Variants in CACNA1A observed in about 807,000 individuals in gnomAD.
CACNA1A encodes voltage-dependent P/Q-type calcium channel subunit alpha-1A.
A neutral mutation model predicts 262.4 loss-of-function variants in CACNA1A; 57 were observed. That is an observed-to-expected ratio of 0.22 (90% CI 0.18 to 0.27). The LOEUF (loss-of-function observed/expected upper bound fraction) is 0.27, where lower values mean the gene tolerates loss of function less well. Ranked by LOEUF, CACNA1A falls within the 10% of genes least tolerant of loss-of-function variation. The pLI is 1.00. For missense variants in CACNA1A, 2,526 were observed against 3,562.8 expected (o/e 0.71, Z 7.41); for synonymous variants, 1,431 against 1,419.3 (o/e 1.01, Z -0.18).
At chr19:13,461,448 T>A (rs2144980274) in intron 1 of CACNA1A, among the ~76,000 whole-genome samples, 1 of 152,250 alleles carries the variant, frequency 6.6e-6, no homozygotes, top group South Asian at 2.1e-4. Flanking sequence ...CCCGACTTCA[T>A]CTCAAGCCAA....
chr19:13,267,050 C>T (rs919114262), intron 24 of CACNA1A, among the ~76,000 whole-genome samples: 83 of 151,928 alleles, frequency 5.5e-4, no homozygotes, highest in African/African-American at 1.7e-3. Flanking sequence ...AGGACAGCGG[C>T]AGCAAGGACA....
At chr19:13,468,184 T>G (rs1730089763) in intron 1 of CACNA1A, among the ~76,000 whole-genome samples, 1 of 151,924 alleles carries the variant, frequency 6.6e-6, no homozygotes, top group Non-Finnish European at 1.5e-5. Context: ...TATTAATCAA[T>G]TTCAGACTCT....
chr19:13,254,816 A>G (rs1022563254), intron 29 of CACNA1A, among the ~76,000 whole-genome samples: 7 of 152,028 alleles, frequency 4.6e-5, no homozygotes, highest in East Asian at 3.9e-4. Flanking sequence ...AGGCGACATA[A>G]AGATAGGATG....
intron 31 of CACNA1A, 47 bp from the exon 32 acceptor site, chr19:13,235,777 G>A: frequency 7.2e-7 from 1 of 1,386,936 alleles, no homozygotes; most frequent in Non-Finnish European, 1.0e-6. Context: ...ACCCCAAAAG[G>A]CTCAGAGCTG....
At position 13,240,902 on chromosome 19, in the gene CACNA1A, T is replaced by C. The variant is rs1336073326; in HGVS notation, c.4950+4280A>G. Among the ~76,000 whole-genome samples, 5 of 152,262 alleles carry C rather than the reference T, an allele frequency of 3.3e-5. No homozygotes were observed. The East Asian group carries it at 7.7e-4, about 23-fold the overall frequency. On this transcript the variant is annotated intron_variant, in intron 31 of 46. Coordinates refer to ENST00000360228, the MANE Select transcript of CACNA1A (RefSeq NM_001127222.2). ...AGGGCCTCAGTGGGCCAGCCCCACA[T>C]GAAGCTACCAGATCCAAGTCTGGCA...
intron 24 of CACNA1A, chr19:13,271,214 G>GTTTTTTTTGTTTTTTTTGTTTTTTTTTT (rs2057009117): frequency 5.0e-5 from 4 of 80,448 alleles, no homozygotes; most frequent in African/African-American, 2.1e-4. Context: ...TCATTCTGCT[G>GTTTTTTTTGTTTTTTTTGTTTTTTTTTT]TTTTTTTTTT....
At chr19:13,396,056 G>A (rs2059806006) in intron 3 of CACNA1A, among the ~76,000 whole-genome samples, 1 of 152,226 alleles carries the variant, frequency 6.6e-6, no homozygotes, top group Admixed American at 6.5e-5. Flanking sequence ...TCTTCATTCT[G>A]AAGGCTCTCG....
chr19:13,422,252 T>C (rs2060327601), intron 3 of CACNA1A, among the ~76,000 whole-genome samples: 1 of 152,102 alleles, frequency 6.6e-6, no homozygotes, highest in Non-Finnish European at 1.5e-5. Context: ...GCCCAGGAGT[T>C]TGAGGCTGCA....
At chr19:13,234,486 G>A (rs1055183311) in intron 34 of CACNA1A, among the ~76,000 whole-genome samples, 50 of 151,786 alleles carry the variant, frequency 3.3e-4, no homozygotes, top group Non-Finnish European at 5.7e-4. Flanking sequence ...CTTATTTGTC[G>A]GATAGGGCTG....
intron 44 of CACNA1A, 60 bp downstream of exon 44, chr19:13,210,557 G>C: frequency 6.9e-7 from 1 of 1,455,706 alleles, no homozygotes; most frequent in Non-Finnish European, 9.4e-7. Flanking sequence ...CCCTGGAGGG[G>C]GGGTGGGGAG....
intron 36 of CACNA1A, chr19:13,228,503 C>T: frequency 5.0e-6 from 1 of 199,046 alleles, no homozygotes; most frequent in Non-Finnish European, 9.8e-6. Flanking sequence ...AAATATGTTC[C>T]ATGCTTTATC....
intron 1 of CACNA1A, among the ~76,000 whole-genome samples, chr19:13,463,382 A>C (rs2061161863): frequency 6.6e-6 from 1 of 152,158 alleles, no homozygotes; most frequent in Admixed American, 6.5e-5. Flanking sequence ...AAAATCTTCA[A>C]CACACAGTTC....
intron 3 of CACNA1A, among the ~76,000 whole-genome samples, chr19:13,409,842 A>C (rs2060078106): frequency 1.3e-5 from 2 of 152,232 alleles, no homozygotes; most frequent in South Asian, 4.1e-4. Context: ...TGCTAGGATT[A>C]CAGGCATGCA....
In CACNA1A at chr19:13,395,622, A is replaced by AG. The variant is rs1027774064; in HGVS notation, c.540-23844_540-23843insC. Among the ~76,000 whole-genome samples the AG allele has an allele frequency of 6.7e-5, 10 of 149,258 alleles. 1 individual carries two copies. Among genetic ancestry groups the AG allele is most frequent in the South Asian group, 4.2e-4 (2 of 4,734 alleles). On this transcript the variant is annotated intron_variant, in intron 3 of 46. Coordinates refer to ENST00000360228, the MANE Select transcript of CACNA1A (RefSeq NM_001127222.2). ...ATCAGACTCTGTCTCAAAAAAAAGAAAAAAAAAAAAAAGAAATTATCTAAC... is the reference window on the plus strand; with the variant it reads ...ATCAGACTCTGTCTCAAAAAAAAGAAGAAAAAAAAAAAAGAAATTATCTAAC...
chr19:13,355,735 G>C (rs1386493833), intron 6 of CACNA1A, among the ~76,000 whole-genome samples: 2 of 152,188 alleles, frequency 1.3e-5, no homozygotes, highest in East Asian at 3.8e-4. Flanking sequence ...CCGTCCTCAA[G>C]GAACCTTGGT....
chr19:13,240,149 T>TAA (rs60352550), intron 31 of CACNA1A, among the ~76,000 whole-genome samples: 4 of 119,758 alleles, frequency 3.3e-5, no homozygotes, highest in African/African-American at 3.1e-5. Flanking sequence ...AGACTCTGTC[T>TAA]AAAAAAAAAA....
At chr19:13,283,662 C>A (rs898838183) in intron 21 of CACNA1A, 3 of 348,370 alleles carry the variant, frequency 8.6e-6, no homozygotes, top group African/African-American at 6.2e-5. Context: ...CTTGAAGTAT[C>A]TTGATCCCCA....
At chr19:13,376,828 C>CATAAT (rs2059423107) in intron 3 of CACNA1A, among the ~76,000 whole-genome samples, 1 of 75,716 alleles carries the variant, frequency 1.3e-5, no homozygotes, top group African/African-American at 4.3e-5. Flanking sequence ...TGATATATAA[C>CATAAT]ACATGTTATA....
chr19:13,295,785 G>C (rs1349397508), intron 19 of CACNA1A, among the ~76,000 whole-genome samples: 2 of 152,104 alleles, frequency 1.3e-5, no homozygotes, highest in Non-Finnish European at 2.9e-5. Flanking sequence ...GGGAGCCACT[G>C]CACCTGATCC....
Sources: allele counts gnomAD v4.1 joint callset (sites outside exome capture counted in the v4.1 genomes callset), GRCh38; gene constraint gnomAD v4.1.1; transcripts MANE v1.5; gene names NCBI Gene and HGNC (gene_info 2026-07-23, HGNC 2026-07-21).